The following TBX15 variants were observed in gnomAD, a reference collection of about 807,000 sequenced individuals.
The protein encoded by TBX15 is T-box transcription factor TBX15.
A neutral mutation model predicts 53.9 loss-of-function variants in TBX15; 18 were observed. The observed-to-expected ratio is 0.33, with a 90% CI of 0.23 to 0.49. The LOEUF is 0.49. Ranked by LOEUF, TBX15 falls within the 20% of genes least tolerant of loss-of-function variation. TBX15 has a pLI of 0.98. For missense variants in TBX15, 692 were observed against 749.5 expected, an observed-to-expected ratio of 0.92 and a Z score of 0.90; for synonymous variants, 295 against 278.0, an observed-to-expected ratio of 1.06 and a Z score of -0.61.
intron 1 of TBX15, among the ~76,000 whole-genome samples, chr1:118,936,709 C>A (rs1436242773): frequency 6.6e-6 from 1 of 152,112 alleles, no homozygotes; most frequent in African/African-American, 2.4e-5. Context: ...AGGCACTCTG[C>A]CAAGACTGTA....
intron 1 of TBX15, among the ~76,000 whole-genome samples, chr1:118,942,332 C>A (rs1338938545): frequency 1.3e-5 from 2 of 152,194 alleles, no homozygotes; most frequent in Non-Finnish European, 2.9e-5. Context: ...CAGTGTCTGG[C>A]ACCTATTATG....
At chr1:118,984,183 C>G (rs923828032) in intron 1 of TBX15, among the ~76,000 whole-genome samples, 2 of 147,966 alleles carry the variant, frequency 1.4e-5, no homozygotes, top group Non-Finnish European at 2.9e-5. Context: ...GAATGCGAGA[C>G]CTGCCACGTG....
At chr1:118,897,363 G>A (rs1457152452) in intron 7 of TBX15, among the ~76,000 whole-genome samples, 1 of 152,100 alleles carries the variant, frequency 6.6e-6, no homozygotes, top group African/African-American at 2.4e-5. Context: ...AGATCTTGGG[G>A]ATACAGCATT....
chr1:118,978,028 C>G (rs1657495465), intron 1 of TBX15, among the ~76,000 whole-genome samples: 1 of 152,186 alleles, frequency 6.6e-6, no homozygotes, highest in Non-Finnish European at 1.5e-5. Context: ...GGGAATGGCA[C>G]AGAAAATGTT....
intron 5 of TBX15, among the ~76,000 whole-genome samples, chr1:118,921,640 A>G (rs1272911841): frequency 6.6e-6 from 1 of 152,194 alleles, no homozygotes; most frequent in Non-Finnish European, 1.5e-5. Flanking sequence ...TGTCTAGCCC[A>G]TTGCTGTCTG....
intron 5 of TBX15, among the ~76,000 whole-genome samples, chr1:118,919,115 G>C (rs1035374941): frequency 6.6e-6 from 1 of 152,164 alleles, no homozygotes; most frequent in East Asian, 1.9e-4. Context: ...TCTGGTTCAT[G>C]TAGCCAATTC....
chr1:118,985,853 G>T (rs1418915173), intron 1 of TBX15, among the ~76,000 whole-genome samples: 1 of 152,182 alleles, frequency 6.6e-6, no homozygotes, highest in Non-Finnish European at 1.5e-5. Flanking sequence ...TCACGCTCTG[G>T]AATGGTTTCT....
chr1:118,913,358 G>A (rs1009927148), intron 6 of TBX15, among the ~76,000 whole-genome samples: 3 of 152,140 alleles, frequency 2.0e-5, no homozygotes, highest in Non-Finnish European at 4.4e-5. Context: ...AATAATCTTA[G>A]ATATAGCTGG....
chr1:118,936,759 G>A (rs1022969934), intron 1 of TBX15, among the ~76,000 whole-genome samples: 2 of 152,108 alleles, frequency 1.3e-5, no homozygotes, highest in African/African-American at 4.8e-5. Flanking sequence ...CCTAAGAGTT[G>A]TTATTATTAT....
At chr1:118,922,759 T>A (rs1430403287) in intron 5 of TBX15, among the ~76,000 whole-genome samples, 6 of 152,224 alleles carry the variant, frequency 3.9e-5, no homozygotes. Context: ...CTTAGTCCTC[T>A]TTCATTGTCA....
At chr1:118,968,331 C>T (rs1332143379) in intron 1 of TBX15, among the ~76,000 whole-genome samples, 3 of 152,178 alleles carry the variant, frequency 2.0e-5, no homozygotes, top group Non-Finnish European at 4.4e-5. Flanking sequence ...TCTCCTGCCT[C>T]AGTCTCCAGA....
intron 2 of TBX15, among the ~76,000 whole-genome samples, chr1:118,930,873 C>G (rs1655759850): frequency 6.6e-6 from 1 of 152,206 alleles, no homozygotes. Context: ...CTTAGCCAAG[C>G]TAATTAATGT....
intron 1 of TBX15, among the ~76,000 whole-genome samples, chr1:118,970,788 G>C (rs1267904403): frequency 6.6e-6 from 1 of 152,026 alleles, no homozygotes; most frequent in Admixed American, 6.6e-5. Context: ...GTGTTTGAGG[G>C]GTTTTTCTCC....
At chr1:118,989,256 G>C (rs558376516), upstream of TBX15, 2 of 152,352 alleles carry the variant, frequency 1.3e-5, no homozygotes, top group East Asian at 3.9e-4. Flanking sequence ...CTCCCCCCTG[G>C]CCGCCCCCTG....
Position 118,923,952 on chromosome 1 carries a change from T to C in TBX15, c.694-349A>G, listed in dbSNP as rs1431577941. Among the ~76,000 whole-genome samples the C allele has an allele frequency of 3.9e-5, 6 of 152,262 alleles. No homozygotes were observed. In the East Asian group the frequency reaches 9.6e-4, roughly 24 times the overall value. On this transcript the variant is annotated intron_variant, in intron 4 of 7. Transcript: ENST00000369429. ...TCCCTCCAGCTTCAAATTTTCAGCA[T>C]GTATTCATGCTGTCTTTAAATTCTA...
intron 6 of TBX15, among the ~76,000 whole-genome samples, chr1:118,900,715 T>C (rs1654601429): frequency 6.6e-6 from 1 of 152,172 alleles, no homozygotes; most frequent in African/African-American, 2.4e-5. Flanking sequence ...CATGAAACTA[T>C]TTGTGGAGAG....
At position 118,884,359 on chromosome 1, in the gene TBX15, T is replaced by C. The variant is rs975797096; in HGVS notation, c.*373A>G. On this transcript the variant is annotated 3_prime_UTR_variant, in exon 8 of 8. Transcript: ENST00000369429. ...ATGTGTGTGTGCACGTATGTATAGG[T>C]AGGTCTGTCTGTATGTGGGTGTGTA... 5.8e-5 allele frequency: 18 copies of C among 309,664 alleles called. No individual in the cohort carries two copies. Among genetic ancestry groups the C allele is most frequent in the African/African-American group, 3.0e-4 (14 of 46,356 alleles). The allele number at this position is 309,664 out of a possible 1,614,324, so 19.2% of individuals were successfully genotyped here.
At chr1:118,984,201 G>C (rs1657742415) in intron 1 of TBX15, among the ~76,000 whole-genome samples, 1 of 152,228 alleles carries the variant, frequency 6.6e-6, no homozygotes, top group African/African-American at 2.4e-5. Context: ...GTGTACACGT[G>C]TACGCGGAGT....
chr1:118,932,369 T>C (rs1267959299), intron 1 of TBX15, among the ~76,000 whole-genome samples: 1 of 152,154 alleles, frequency 6.6e-6, no homozygotes, highest in Non-Finnish European at 1.5e-5. Context: ...CCATCAAAAG[T>C]AATGAAAAGC....
Sources: allele counts gnomAD v4.1 joint callset (sites outside exome capture counted in the v4.1 genomes callset), GRCh38; gene constraint gnomAD v4.1.1; transcripts MANE v1.5; gene names NCBI Gene and HGNC (gene_info 2026-07-23, HGNC 2026-07-21).